The following PTPRE variants were observed in gnomAD, a reference collection of about 807,000 sequenced individuals.
PTPRE encodes receptor-type tyrosine-protein phosphatase epsilon.
In PTPRE, 51 loss-of-function variants were observed where a neutral mutation model predicts 102.0. That is an observed-to-expected ratio of 0.50 (90% CI 0.40 to 0.63). The LOEUF (loss-of-function observed/expected upper bound fraction) is 0.63, where lower values mean the gene tolerates loss of function less well. Ranked by LOEUF, PTPRE falls within the 30% of genes least tolerant of loss-of-function variation. The pLI, the probability that PTPRE is intolerant of heterozygous loss-of-function variation, is 0.00. For synonymous variants in PTPRE, 345 were observed against 348.2 expected, an observed-to-expected ratio of 0.99 and a Z score of 0.10; for missense variants, 752 against 915.1, an observed-to-expected ratio of 0.82 and a Z score of 2.30.
intron 1 of PTPRE, among the ~76,000 whole-genome samples, chr10:127,976,793 A>T (rs1416078620): frequency 6.6e-6 from 1 of 152,142 alleles, no homozygotes; most frequent in African/African-American, 2.4e-5. Flanking sequence ...ATAGACATTA[A>T]CAGCTTTACT....
intron 6 of PTPRE, among the ~76,000 whole-genome samples, chr10:128,052,025 C>G (rs542129356): frequency 1.3e-5 from 2 of 152,214 alleles, no homozygotes; most frequent in African/African-American, 4.8e-5. Context: ...ACCATGCCCA[C>G]TGGCTTTTTT....
chr10:128,076,521 G>A, intron 17 of PTPRE, 82 bp from the exon 18 acceptor site: 4 of 1,385,138 alleles, frequency 2.9e-6, no homozygotes, highest in Non-Finnish European at 3.9e-6. Flanking sequence ...ACTGGTTTGA[G>A]AACAATTCTG....
intron 20 of PTPRE, among the ~76,000 whole-genome samples, chr10:128,082,432 C>A (rs1851806576): frequency 6.6e-6 from 1 of 151,414 alleles, no homozygotes; most frequent in South Asian, 2.1e-4. Context: ...CCAGGCTGGT[C>A]TGGAACTCCT....
chr10:128,028,502 T>C lies in PTPRE; in HGVS notation c.-7-12373T>C, dbSNP rs749893033. ...TAGGAAAAATGGGGCAAAGGTGAGA[T>C]GGTACACAGCACACCTGGCCCTGGC... On this transcript the variant is annotated intron_variant, in intron 2 of 20. Coordinates refer to ENST00000254667, the MANE Select transcript of PTPRE (RefSeq NM_006504.6). This position sits in a 1 kb window ranked among gnomAD's most constrained non-coding sequence, Gnocchi z 4.5. Among the ~76,000 whole-genome samples the C allele has an allele frequency of 1.3e-5, 2 of 152,132 alleles. No individual in the cohort carries two copies. Among genetic ancestry groups the C allele is most frequent in the Admixed American group, 6.5e-5 (1 of 15,282 alleles).
chr10:127,996,709 C>CAATG (rs1371188985), intron 2 of PTPRE, among the ~76,000 whole-genome samples: 5 of 152,178 alleles, frequency 3.3e-5, no homozygotes, highest in Non-Finnish European at 5.9e-5. Context: ...AGAGGTGCAC[C>CAATG]AATGGCTGGA....
chr10:127,971,914 G>A (rs562216935), intron 1 of PTPRE, among the ~76,000 whole-genome samples: 4 of 152,168 alleles, frequency 2.6e-5, no homozygotes, highest in African/African-American at 9.7e-5. Flanking sequence ...ACTTCATGCC[G>A]TTTTCCTAAA....
Position 128,028,660 on chromosome 10 carries a change from G to A in PTPRE, c.-7-12215G>A, listed in dbSNP as rs911557962. Among the ~76,000 whole-genome samples the A allele has an allele frequency of 2.1e-4, 32 of 151,908 alleles. No homozygotes were observed. The highest frequency in any genetic ancestry group is 7.0e-4 in the African/African-American group (29 of 41,374). Reference sequence around the variant, plus strand: ...CCCCTCAGGCACAGCTGAGCAGCCCGCCGGGGCCCAGGGTTCCTTGGTCTT... The same window carrying A: ...CCCCTCAGGCACAGCTGAGCAGCCCACCGGGGCCCAGGGTTCCTTGGTCTT... On this transcript the variant is annotated intron_variant, in intron 2 of 20. Coordinates refer to ENST00000254667, the MANE Select transcript of PTPRE (RefSeq NM_006504.6). The surrounding 1 kb of genome is among the most constrained non-coding windows in gnomAD (Gnocchi z 4.5).
At chr10:127,968,068 G>T (rs1850401784) in intron 1 of PTPRE, among the ~76,000 whole-genome samples, 1 of 149,784 alleles carries the variant, frequency 6.7e-6, no homozygotes, top group Non-Finnish European at 1.5e-5. Context: ...AGGTCACACA[G>T]TTGTCTTAGC....
chr10:128,057,231 G>A (rs1477617740), intron 7 of PTPRE, among the ~76,000 whole-genome samples: 1 of 150,272 alleles, frequency 6.7e-6, no homozygotes, highest in East Asian at 2.0e-4. Context: ...AAAAAAAAAA[G>A]ATCTGGCCCA....
intron 7 of PTPRE, among the ~76,000 whole-genome samples, chr10:128,060,178 CCACA>C (rs1234316702): frequency 6.7e-6 from 1 of 148,738 alleles, no homozygotes; most frequent in Non-Finnish European, 1.5e-5. Flanking sequence ...CACACATACA[CCACA>C]CACACTACAC....
chr10:127,915,978 A>G (rs931757796), intron 1 of PTPRE, among the ~76,000 whole-genome samples: 1 of 151,166 alleles, frequency 6.6e-6, no homozygotes, highest in African/African-American at 2.4e-5. Flanking sequence ...CACTGTGCTT[A>G]GCGCTGGAGT....
At chr10:127,957,360 T>G (rs1564826803) in intron 1 of PTPRE, among the ~76,000 whole-genome samples, 1 of 152,232 alleles carries the variant, frequency 6.6e-6, no homozygotes, top group Non-Finnish European at 1.5e-5. Context: ...TTGCCTTCAC[T>G]CCTTTGTTAA....
rs114985334 is a variant in PTPRE, at chr10:127,913,488, T to G, written c.-31+6179T>G. 7.3e-4 allele frequency among the ~76,000 whole-genome samples: 111 copies of G among 152,322 alleles called. 1 individual carries two copies. The highest frequency in any genetic ancestry group is 2.5e-3 in the African/African-American group (103 of 41,570). On this transcript the variant is annotated intron_variant, in intron 1 of 20. Coordinates refer to ENST00000254667, the MANE Select transcript of PTPRE (RefSeq NM_006504.6). ...AGCTACTTGATTACAGTGTATTATT[T>G]TAAATGACCTCTGTACTAAGTCCTT...
intron 2 of PTPRE, among the ~76,000 whole-genome samples, chr10:128,010,495 T>G (rs949718629): frequency 1.3e-5 from 2 of 151,668 alleles, no homozygotes; most frequent in Non-Finnish European, 2.9e-5. Context: ...CTCTCCTACT[T>G]CCTTCTCCTC....
intron 2 of PTPRE, among the ~76,000 whole-genome samples, chr10:128,018,239 C>T (rs886152887): frequency 1.3e-5 from 2 of 152,290 alleles, no homozygotes; most frequent in Admixed American, 1.3e-4. Flanking sequence ...GAAACCTCAC[C>T]TCTAAATCGC....
At chr10:128,048,656 C>T (rs1434467722) in intron 5 of PTPRE, among the ~76,000 whole-genome samples, 1 of 152,170 alleles carries the variant, frequency 6.6e-6, no homozygotes. Flanking sequence ...TGCCCTCGTT[C>T]CAGTCCCCGG....
intron 2 of PTPRE, among the ~76,000 whole-genome samples, chr10:128,027,524 G>A (rs936631262): frequency 6.6e-6 from 1 of 152,146 alleles, no homozygotes; most frequent in Non-Finnish European, 1.5e-5. Context: ...TTCTGCTCTC[G>A]GGTTTATCAG....
Position 128,041,115 on chromosome 10 carries a change from T to G in PTPRE, c.109+125T>G, listed in dbSNP as rs866458816. 15 of 809,086 alleles carry G rather than the reference T, an allele frequency of 1.9e-5. No homozygotes were observed. In the South Asian group the frequency reaches 2.3e-4, roughly 12 times the overall value. The allele number at this position is 809,086 out of a possible 1,614,324, so 50.1% of individuals were successfully genotyped here. On this transcript the variant is annotated intron_variant, in intron 3 of 20. Transcript: ENST00000254667. Reference sequence around the variant, plus strand: ...GTGTGGCTGAATTTCTTAGTGTGCTTTTAATAGTTTGTGCCTCTAAAAACA... The same window carrying G: ...GTGTGGCTGAATTTCTTAGTGTGCTGTTAATAGTTTGTGCCTCTAAAAACA...
At chr10:128,004,187 G>A (rs1854276608) in intron 2 of PTPRE, among the ~76,000 whole-genome samples, 1 of 151,240 alleles carries the variant, frequency 6.6e-6, no homozygotes, top group South Asian at 2.1e-4. Context: ...TCTTTCAAGA[G>A]TCATTCTCCA....
Sources: allele counts gnomAD v4.1 joint callset (sites outside exome capture counted in the v4.1 genomes callset), GRCh38; gene constraint gnomAD v4.1.1; non-coding constraint Gnocchi (gnomAD v3.1); transcripts MANE v1.5; gene names NCBI Gene and HGNC (gene_info 2026-07-23, HGNC 2026-07-21).